MIER2: variants seen among roughly 807,000 people sequenced by gnomAD.
MIER2 encodes MIER family member 2.
MIER2 carries 30 observed loss-of-function variants against 67.6 expected under a neutral mutation model. That is an observed-to-expected ratio of 0.44 (90% CI 0.33 to 0.60). The LOEUF is 0.60. Ranked by LOEUF, MIER2 falls within the 20% of genes least tolerant of loss-of-function variation. MIER2 has a pLI of 0.02. For synonymous variants in MIER2, 372 were observed against 312.6 expected (o/e 1.19, Z -2.00); for missense variants, 702 against 745.1 (o/e 0.94, Z 0.67).
At chr19:313,438 GGCCCACGCCACGGCA>G in intron 8 of MIER2, 39 bp downstream of exon 8, 1 of 1,583,490 alleles carries the variant, frequency 6.3e-7, no homozygotes, top group Non-Finnish European at 8.5e-7. Context: ...TGTGAGCTCT[GGCCCACGCCACGGCA>G]GCCCTCAGCC....
intron 7 of MIER2, among the ~76,000 whole-genome samples, chr19:317,261 CGG>C (rs1219111420): frequency 1.9e-4 from 29 of 151,954 alleles, no homozygotes; most frequent in Admixed American, 6.6e-4. Flanking sequence ...GGCGCGGTGG[CGG>C]GCACCTGTAA....
At chr19:314,399 G>C (rs1971145335) in intron 7 of MIER2, among the ~76,000 whole-genome samples, 1 of 152,104 alleles carries the variant, frequency 6.6e-6, no homozygotes. Flanking sequence ...TCAGGGCCAG[G>C]TCTGGCAAGG....
At chr19:324,970 G>A (rs1055667361) in intron 7 of MIER2, among the ~76,000 whole-genome samples, 7 of 152,208 alleles carry the variant, frequency 4.6e-5, no homozygotes, top group Non-Finnish European at 5.9e-5. Context: ...TTCTCTTCAC[G>A]GAGGGTCCCT....
chr19:313,193 C>T (rs1376062083), intron 8 of MIER2, among the ~76,000 whole-genome samples: 1 of 149,936 alleles, frequency 6.7e-6, no homozygotes. Context: ...CATCAGGGGC[C>T]GTCCACACCA....
At chr19:319,348 C>T (rs1461614417) in intron 7 of MIER2, among the ~76,000 whole-genome samples, 1 of 152,080 alleles carries the variant, frequency 6.6e-6, no homozygotes, top group Non-Finnish European at 1.5e-5. Flanking sequence ...GGCAATAGAG[C>T]GAGACCCTGT....
In MIER2 at chr19:308,754, C is replaced by T. The variant is rs376365447; in HGVS notation, c.1109+47G>A. On this transcript the variant is annotated intron_variant, in intron 11 of 13. Coordinates refer to ENST00000264819, the MANE Select transcript of MIER2 (RefSeq NM_017550.3). The surrounding 1 kb of genome is among the most constrained non-coding windows in gnomAD (Gnocchi z 9.1). Reference sequence around the variant, plus strand: ...GCCCAGGCGCCCACGTGCCCACCCCCGGCGGGGTGGCCGCCTGTCGTTACT... The same window carrying T: ...GCCCAGGCGCCCACGTGCCCACCCCTGGCGGGGTGGCCGCCTGTCGTTACT... The T allele has an allele frequency of 8.2e-6, 13 of 1,593,048 alleles. No individual in the cohort carries two copies. The highest frequency in any genetic ancestry group is 6.8e-5 in the Admixed American group (4 of 59,206).
At chr19:325,519 C>T (rs1971698665) in intron 7 of MIER2, 116 bp downstream of exon 7, 3 of 1,184,534 alleles carry the variant, frequency 2.5e-6, no homozygotes, top group East Asian at 2.4e-5. Flanking sequence ...GGCTCAGCTG[C>T]CCCAGTGAGC....
chr19:313,287 G>A (rs986118123), intron 8 of MIER2, among the ~76,000 whole-genome samples: 1 of 152,108 alleles, frequency 6.6e-6, no homozygotes, highest in African/African-American at 2.4e-5. Context: ...CAGGATACCC[G>A]GAGGCGTCTA....
chr19:308,930 G>C lies in MIER2; in HGVS notation c.985-5C>G, dbSNP rs200873025. On this transcript the variant is annotated splice_polypyrimidine_tract_variant and splice_region_variant and intron_variant, in intron 10 of 13. Transcript: ENST00000264819. This position sits in a 1 kb window ranked among gnomAD's most constrained non-coding sequence, Gnocchi z 9.1. ...GCCCACTGACCGTGTGCGCACCTGC[G>C]GGGAGGGGTCAGGAGCCATCTCTGT... 3.5e-5 allele frequency: 56 copies of C among 1,599,366 alleles called. No homozygotes were observed. Among genetic ancestry groups the C allele is most frequent in the East Asian group, 1.6e-4 (7 of 44,388 alleles).
At chr19:310,368 G>A (rs1203393248) in intron 10 of MIER2, among the ~76,000 whole-genome samples, 6 of 152,328 alleles carry the variant, frequency 3.9e-5, no homozygotes, top group African/African-American at 9.6e-5. Flanking sequence ...TCAAACGCAC[G>A]CCACGAGGGA....
At chr19:336,670 A>G (rs921243656) in intron 1 of MIER2, among the ~76,000 whole-genome samples, 1 of 152,140 alleles carries the variant, frequency 6.6e-6, no homozygotes, top group East Asian at 1.9e-4. Context: ...TCTTTTGGGG[A>G]TGACAGAATG....
intron 7 of MIER2, among the ~76,000 whole-genome samples, chr19:320,797 T>A (rs897216857): frequency 6.6e-6 from 1 of 152,200 alleles, no homozygotes; most frequent in Admixed American, 6.5e-5. Context: ...CAAAAAAGGT[T>A]GGGAGCCACT....
Position 325,639 on chromosome 19 carries a change from C to G in MIER2, c.651G>C (p.Glu217Asp). Reference sequence around the variant, plus strand: ...CTCTCCCCAGGCCCTACTTACTCTTCTCACAGTGCCGGTTCAAGTGCAGGT... The same window carrying G: ...CTCTCCCCAGGCCCTACTTACTCTTGTCACAGTGCCGGTTCAAGTGCAGGT... ...LSNLHLNRHC[E>D]KIYENEDQLL... The change falls in exon 7 of 14, where the codon GAG (glutamate) becomes GAC (aspartate). Residue 217 changes from glutamate to aspartate, a missense_variant. By Grantham distance (45) the Glu-to-Asp change is conservative (BLOSUM62 2). This residue lies in a region of MIER2 where 320 missense variants were observed against 292.6 expected (regional missense o/e 1.09). Transcript: ENST00000264819. 5 of 1,614,224 alleles carry G rather than the reference C, an allele frequency of 3.1e-6. No homozygotes were observed. The highest frequency in any genetic ancestry group is 4.2e-6 in the Non-Finnish European group (5 of 1,180,042).
chr19:321,908 T>C (rs1600140175), intron 7 of MIER2, among the ~76,000 whole-genome samples: 1 of 152,076 alleles, frequency 6.6e-6, no homozygotes, highest in Admixed American at 6.6e-5. Flanking sequence ...ATTTTTATTT[T>C]TATTTTTTAT....
At chr19:344,478 G>GCC in intron 1 of MIER2, 1 of 659,558 alleles carries the variant, frequency 1.5e-6, no homozygotes, top group Non-Finnish European at 1.9e-6. Context: ...CACCAGCCCC[G>GCC]CCCCGCGTCC....
At position 305,950 on chromosome 19, in the gene MIER2, A is replaced by G. The variant is rs1162584052; in HGVS notation, c.*740T>C. The G allele has an allele frequency of 1.3e-5, 2 of 152,284 alleles. No homozygotes were observed. Among genetic ancestry groups the G allele is most frequent in the African/African-American group, 4.8e-5 (2 of 41,446 alleles). 9.4% of individuals were successfully genotyped at this position (152,284 alleles called of 1,614,324 possible). A position where few individuals can be genotyped will look rare whatever the true frequency, so the allele number is the denominator to read the frequency against. ...CCCTGCCTTGGTACCGGGGGAGGAC[A>G]GCAAAGGGGATGTAAATCACCTGTC... On this transcript the variant is annotated 3_prime_UTR_variant, in exon 14 of 14. Coordinates refer to ENST00000264819, the MANE Select transcript of MIER2 (RefSeq NM_017550.3).
At chr19:315,793 A>T (rs1971211710) in intron 7 of MIER2, among the ~76,000 whole-genome samples, 1 of 152,268 alleles carries the variant, frequency 6.6e-6, no homozygotes, top group South Asian at 2.1e-4. Flanking sequence ...AAGAGGTAAC[A>T]GCCAAGAATT....
At chr19:313,707 C>G in intron 7 of MIER2, 64 bp from the exon 8 acceptor site, 2 of 1,563,408 alleles carry the variant, frequency 1.3e-6, no homozygotes, top group South Asian at 2.3e-5. Flanking sequence ...CACGCCAGGA[C>G]AAGCAAAGCA....
chr19:313,557 G>A lies in MIER2; in HGVS notation c.742C>T (p.Arg248Trp), dbSNP rs559738767. The A allele has an allele frequency of 1.1e-5, 18 of 1,613,202 alleles. No homozygotes were observed. The highest frequency in any genetic ancestry group is 1.4e-5 in the Non-Finnish European group (17 of 1,179,956). ...GGCCCGGCCATCTCGTGCCAACGCC[G>A]CTTCACCGCCCTGTACAGGAACTCC... Reference protein sequence around the residue: ...VEEFLYRAVKRRWHEMAGPQL... With the variant: ...VEEFLYRAVKWRWHEMAGPQL... Residue 248 changes from arginine (R) to tryptophan (W), a missense_variant, in exon 8 of 14, where the codon CGG becomes TGG. Physicochemically the swap from Arg to Trp is moderately radical, Grantham distance 101 (BLOSUM62 -3). Around this residue, in one of 3 missense-constraint regions of MIER2, gnomAD observed 128 missense variants for 189.7 expected, o/e 0.67. Transcript: ENST00000264819.
Sources: gnomAD v4.1 joint callset for allele counts (sites outside exome capture counted in the v4.1 genomes callset) on GRCh38, gnomAD v4.1.1 for gene constraint, gnomAD v4.1.1 regional missense constraint, Gnocchi (gnomAD v3.1) non-coding constraint, MANE v1.5 for transcripts, NCBI Gene and HGNC (gene_info 2026-07-23, HGNC 2026-07-21) for gene names.